The following VTCN1 variants were observed in gnomAD, a reference collection of about 807,000 sequenced individuals.
VTCN1 encodes V-set domain-containing T-cell activation inhibitor 1.
VTCN1 carries 26 observed loss-of-function variants against 26.5 expected under a neutral mutation model. The ratio of observed to expected loss-of-function variants is 0.98; its 90% CI spans 0.72 to 1.36. The LOEUF is 1.36. VTCN1 is among the 40% of genes most tolerant of loss of function. The pLI, the probability that VTCN1 is intolerant of heterozygous loss-of-function variation, is 0.00. For missense variants in VTCN1, 298 were observed against 337.7 expected (o/e 0.88, Z 0.92); for synonymous variants, 116 against 130.7 (o/e 0.89, Z 0.77).
At chr1:117,194,898 G>C (rs1648432009) in intron 1 of VTCN1, among the ~76,000 whole-genome samples, 1 of 152,152 alleles carries the variant, frequency 6.6e-6, no homozygotes, top group Non-Finnish European at 1.5e-5. Flanking sequence ...GTTAGTCAAA[G>C]GGTACAAATT....
At chr1:117,198,171 C>G (rs1046364287) in intron 1 of VTCN1, among the ~76,000 whole-genome samples, 1 of 152,226 alleles carries the variant, frequency 6.6e-6, no homozygotes, top group Non-Finnish European at 1.5e-5. Context: ...TCATCTTCCA[C>G]TTCCCTGAAG....
At chr1:117,180,697 T>C (rs1647630806) in intron 1 of VTCN1, among the ~76,000 whole-genome samples, 1 of 152,208 alleles carries the variant, frequency 6.6e-6, no homozygotes, top group African/African-American at 2.4e-5. Flanking sequence ...TGGCTGCTAA[T>C]GAACACTTCT....
At position 117,183,731 on chromosome 1, in the gene VTCN1, C is replaced by T. The variant is rs995227998; in HGVS notation, c.33-13560G>A. Among the ~76,000 whole-genome samples, 1 of 151,996 alleles carries T rather than the reference C, an allele frequency of 6.6e-6. No homozygotes were observed. Among genetic ancestry groups the T allele is most frequent in the African/African-American group, 2.4e-5 (1 of 41,364 alleles). ...GAAGAGTTAAATTTCCAGAATAGTGCATACTAAATAGCCTTTAAAAAAATC... is the reference window on the plus strand; with the variant it reads ...GAAGAGTTAAATTTCCAGAATAGTGTATACTAAATAGCCTTTAAAAAAATC... On this transcript the variant is annotated intron_variant, in intron 1 of 5. Coordinates refer to ENST00000369458, the MANE Select transcript of VTCN1 (RefSeq NM_024626.4). The surrounding 1 kb of genome is among the most constrained non-coding windows in gnomAD (Gnocchi z 4.1).
chr1:117,172,639 G>GC (rs1335707041), intron 1 of VTCN1, among the ~76,000 whole-genome samples: 17 of 151,676 alleles, frequency 1.1e-4, no homozygotes, highest in African/African-American at 4.1e-4. Context: ...GGCTGCATGT[G>GC]TCCCCCCCCA....
At chr1:117,160,367 A>C (rs1052030741) in intron 2 of VTCN1, among the ~76,000 whole-genome samples, 2 of 152,186 alleles carry the variant, frequency 1.3e-5, no homozygotes, top group Non-Finnish European at 2.9e-5. Flanking sequence ...TGGACTTATC[A>C]GCTTCTTTAT....
In VTCN1 at chr1:117,155,628, C is replaced by G. The variant is rs897767369; in HGVS notation, c.445+946G>C. The stretch of plus-strand genomic sequence containing the variant: ...ATTTTAAGATGAAGAAACTGAGGCT[C>G]AGAGAGATTGCTTTGCCCAGGCCAC... On this transcript the variant is annotated intron_variant, in intron 3 of 5. Coordinates refer to ENST00000369458, the MANE Select transcript of VTCN1 (RefSeq NM_024626.4). This position sits in a 1 kb window ranked among gnomAD's most constrained non-coding sequence, Gnocchi z 4.8. 1.3e-5 allele frequency among the ~76,000 whole-genome samples: 2 copies of G among 152,172 alleles called. No individual in the cohort carries two copies. The highest frequency in any genetic ancestry group is 2.4e-5 in the African/African-American group (1 of 41,442).
At chr1:117,194,136 G>A (rs1193059390) in intron 1 of VTCN1, among the ~76,000 whole-genome samples, 1 of 152,132 alleles carries the variant, frequency 6.6e-6, no homozygotes, top group Non-Finnish European at 1.5e-5. Flanking sequence ...AGGAGTTAAT[G>A]TCAAAATATA....
At chr1:117,160,689 A>G (rs1652322474) in intron 2 of VTCN1, among the ~76,000 whole-genome samples, 1 of 152,226 alleles carries the variant, frequency 6.6e-6, no homozygotes, top group Non-Finnish European at 1.5e-5. Flanking sequence ...TTTCTGCCTT[A>G]AATAAAAAAC....
chr1:117,144,315 C>G lies in VTCN1; in HGVS notation c.*956G>C, dbSNP rs1447365078. 6.6e-6 allele frequency: 1 copy of G among 152,236 alleles called. No homozygotes were observed. The highest frequency in any genetic ancestry group is 2.1e-4 in the South Asian group (1 of 4,832). The allele number at this position is 152,236 out of a possible 1,614,324, so 9.4% of individuals were successfully genotyped here. A position where few individuals can be genotyped will look rare whatever the true frequency, so the allele number is the denominator to read the frequency against. ...CTCTATCCACTAGTTGGTAGTAGCA[C>G]TGTATCCTCCTCCACTCCCTCATTG... On this transcript the variant is annotated 3_prime_UTR_variant, in exon 6 of 6. Transcript: ENST00000369458.
chr1:117,178,885 C>G (rs1299857937), intron 1 of VTCN1, among the ~76,000 whole-genome samples: 1 of 152,148 alleles, frequency 6.6e-6, no homozygotes, highest in Non-Finnish European at 1.5e-5. Flanking sequence ...CCACCACACC[C>G]AGCCTTATGA....
In VTCN1 at chr1:117,145,929, C is replaced by T. The variant is rs1449938695; in HGVS notation, c.*46-704G>A. ...GGTTACAGGTGTGAGCCACCATGCC[C>T]AGCCTTACTCATTTACTTTAAAAAA... On this transcript the variant is annotated intron_variant, in intron 5 of 5. Transcript: ENST00000369458. This position sits in a 1 kb window ranked among gnomAD's most constrained non-coding sequence, Gnocchi z 4.6. 6.6e-6 allele frequency among the ~76,000 whole-genome samples: 1 copy of T among 152,186 alleles called. No individual in the cohort carries two copies. Among genetic ancestry groups the T allele is most frequent in the Non-Finnish European group, 1.5e-5 (1 of 68,042 alleles).
In VTCN1 at chr1:117,207,093, T is replaced by C. The variant is rs542306839; in HGVS notation, c.32+3731A>G. On this transcript the variant is annotated intron_variant, in intron 1 of 5. Coordinates refer to ENST00000369458, the MANE Select transcript of VTCN1 (RefSeq NM_024626.4). ...TGCGAGGCACTGTTTTCTCTGACCT[T>C]CAAGGTCTGAGATGTCTGAGCCAGG... Among the ~76,000 whole-genome samples, 5 of 152,252 alleles carry C rather than the reference T, an allele frequency of 3.3e-5. No individual in the cohort carries two copies. The East Asian group carries it at 9.7e-4, about 29-fold the overall frequency.
intron 4 of VTCN1, among the ~76,000 whole-genome samples, chr1:117,151,280 G>T (rs1038280686): frequency 6.6e-6 from 1 of 151,676 alleles, no homozygotes; most frequent in African/African-American, 2.4e-5. Flanking sequence ...TTCAGATATG[G>T]TGCATCTGGA....
At chr1:117,187,853 G>T (rs1648024063) in intron 1 of VTCN1, among the ~76,000 whole-genome samples, 1 of 151,348 alleles carries the variant, frequency 6.6e-6, no homozygotes, top group South Asian at 2.1e-4. Context: ...AAAAATAAAA[G>T]AAATTATAAA....
chr1:117,165,256 T>C (rs568899653), intron 2 of VTCN1, among the ~76,000 whole-genome samples: 22 of 152,354 alleles, frequency 1.4e-4, no homozygotes, highest in African/African-American at 4.1e-4. Flanking sequence ...AGTAATAACA[T>C]CTACCTCCTA....
chr1:117,166,369 T>C (rs138063302), intron 2 of VTCN1, among the ~76,000 whole-genome samples: 1 of 152,324 alleles, frequency 6.6e-6, no homozygotes, highest in African/African-American at 2.4e-5. Context: ...CAAGAAAGTT[T>C]AGTCATCAAG....
intron 1 of VTCN1, among the ~76,000 whole-genome samples, chr1:117,182,538 C>T (rs1173001232): frequency 6.6e-6 from 1 of 152,186 alleles, no homozygotes; most frequent in Non-Finnish European, 1.5e-5. Context: ...CAACCCTTGC[C>T]TGCCTATGTC....
chr1:117,201,361 G>A (rs964278012), intron 1 of VTCN1, among the ~76,000 whole-genome samples: 1 of 152,168 alleles, frequency 6.6e-6, no homozygotes, highest in African/African-American at 2.4e-5. Flanking sequence ...GAGTCCCAGT[G>A]CAGCAGAATC....
rs1651422604 is a variant in VTCN1, at chr1:117,144,678, G to A, written c.*593C>T. On this transcript the variant is annotated 3_prime_UTR_variant, in exon 6 of 6. Coordinates refer to ENST00000369458, the MANE Select transcript of VTCN1 (RefSeq NM_024626.4). Reference sequence around the variant, plus strand: ...TTCTCAACTTTGGCATTTGTCAGTTGGGAAGAGAAGCCAAGGCACCTTTGG... The same window carrying A: ...TTCTCAACTTTGGCATTTGTCAGTTAGGAAGAGAAGCCAAGGCACCTTTGG... 1 of 152,516 alleles carries A rather than the reference G, an allele frequency of 6.6e-6. No individual in the cohort carries two copies. The highest frequency in any genetic ancestry group is 2.1e-4 in the South Asian group (1 of 4,832). The allele number at this position is 152,516 out of a possible 1,614,324, so 9.4% of individuals were successfully genotyped here.
Sources: allele counts gnomAD v4.1 joint callset (sites outside exome capture counted in the v4.1 genomes callset), GRCh38; gene constraint gnomAD v4.1.1; non-coding constraint Gnocchi (gnomAD v3.1); transcripts MANE v1.5; gene names NCBI Gene and HGNC (gene_info 2026-07-23, HGNC 2026-07-21).